Variants in CDC42BPA observed in about 807,000 individuals in gnomAD.
The protein encoded by CDC42BPA is serine/threonine-protein kinase MRCK alpha.
A neutral mutation model predicts 223.5 loss-of-function variants in CDC42BPA; 80 were observed. The ratio of observed to expected loss-of-function variants is 0.36; its 90% CI spans 0.30 to 0.43. CDC42BPA has a LOEUF of 0.43. Ranked by LOEUF, CDC42BPA falls within the 20% of genes least tolerant of loss-of-function variation. The pLI is 1.00. For synonymous variants in CDC42BPA, 694 were observed against 718.6 expected (o/e 0.97, Z 0.55); for missense variants, 1,743 against 2,099.9 (o/e 0.83, Z 3.32).
chr1:227,161,855 G>A (rs564407035), intron 5 of CDC42BPA, among the ~76,000 whole-genome samples: 1 of 152,268 alleles, frequency 6.6e-6, no homozygotes, highest in South Asian at 2.1e-4. Flanking sequence ...GATGATAGAT[G>A]GTTGCTAAAG....
Position 226,994,887 on chromosome 1 carries a change from C to T in CDC42BPA, c.5069G>A (p.Gly1690Asp). Residue 1690 changes from glycine to aspartate, a missense_variant, in exon 36 of 37, where the codon GGC becomes GAC. Gly to Asp is a moderately conservative substitution (Grantham distance 94, BLOSUM62 -1). Transcript: ENST00000366766. The surrounding 1 kb of genome is among the most constrained non-coding windows in gnomAD (Gnocchi z 4.0). ...KRQPMPSPSE[G>D]SLSSGGMDQG... ...GTCCATGCCTCCAGAGGACAAAGAGCCCTCTGACGGGGAGGGCATGGGCTG... is the reference window on the plus strand; with the variant it reads ...GTCCATGCCTCCAGAGGACAAAGAGTCCTCTGACGGGGAGGGCATGGGCTG... The T allele has an allele frequency of 6.2e-7, 1 of 1,613,840 alleles. No individual in the cohort carries two copies. The highest frequency in any genetic ancestry group is 8.5e-7 in the Non-Finnish European group (1 of 1,179,736).
At chr1:227,146,308 A>G (rs892645675) in intron 7 of CDC42BPA, among the ~76,000 whole-genome samples, 13 of 152,120 alleles carry the variant, frequency 8.5e-5, no homozygotes, top group Admixed American at 7.9e-4. Context: ...CTGAAGCTGT[A>G]ATCTGTGCTG....
At chr1:227,247,859 G>A (rs1681269893) in intron 2 of CDC42BPA, among the ~76,000 whole-genome samples, 1 of 152,110 alleles carries the variant, frequency 6.6e-6, no homozygotes, top group Non-Finnish European at 1.5e-5. Context: ...TCCAACCTGG[G>A]TGACAGAGTG....
chr1:227,152,879 A>G (rs1175985955), intron 6 of CDC42BPA, among the ~76,000 whole-genome samples: 1 of 152,122 alleles, frequency 6.6e-6, no homozygotes, highest in East Asian at 1.9e-4. Flanking sequence ...GGAAAGGGAT[A>G]TATCAGGCAT....
chr1:227,274,820 T>C (rs1686638769), intron 1 of CDC42BPA, among the ~76,000 whole-genome samples: 1 of 152,166 alleles, frequency 6.6e-6, no homozygotes, highest in South Asian at 2.1e-4. Context: ...AAAGCTTCAC[T>C]ACAGATAATG....
chr1:227,261,042 T>C (rs1465202083), intron 1 of CDC42BPA, among the ~76,000 whole-genome samples: 1 of 150,940 alleles, frequency 6.6e-6, no homozygotes, highest in African/African-American at 2.5e-5. Context: ...CACAGACACA[T>C]GAAGGTTAAA....
intron 7 of CDC42BPA, among the ~76,000 whole-genome samples, chr1:227,146,231 GAC>G (rs1490483324): frequency 2.6e-5 from 4 of 152,056 alleles, no homozygotes; most frequent in Admixed American, 6.5e-5. Flanking sequence ...AAGAAATAAA[GAC>G]ACACAGAATT....
chr1:227,013,490 T>A (rs1665614720), intron 34 of CDC42BPA, among the ~76,000 whole-genome samples: 1 of 152,026 alleles, frequency 6.6e-6, no homozygotes, highest in Non-Finnish European at 1.5e-5. Context: ...AAATCTGACA[T>A]TTTGGCATCA....
intron 17 of CDC42BPA, among the ~76,000 whole-genome samples, chr1:227,077,277 T>C (rs1679689406): frequency 6.6e-6 from 1 of 152,174 alleles, no homozygotes; most frequent in Non-Finnish European, 1.5e-5. Flanking sequence ...TAAAAATATC[T>C]ATCTCACAGG....
At chr1:227,186,509 G>A (rs1668794456) in intron 5 of CDC42BPA, among the ~76,000 whole-genome samples, 1 of 152,130 alleles carries the variant, frequency 6.6e-6, no homozygotes, top group Non-Finnish European at 1.5e-5. Context: ...AAGCAGGAAG[G>A]CAGGAAGGGA....
intron 1 of CDC42BPA, among the ~76,000 whole-genome samples, chr1:227,301,638 A>C (rs1324413178): frequency 1.3e-5 from 2 of 152,172 alleles, no homozygotes; most frequent in Admixed American, 1.3e-4. Flanking sequence ...GATTACAGGC[A>C]TGAGCCACTG....
At chr1:227,202,722 C>T (rs925728754) in intron 3 of CDC42BPA, among the ~76,000 whole-genome samples, 2 of 149,406 alleles carry the variant, frequency 1.3e-5, no homozygotes, top group African/African-American at 2.5e-5. Flanking sequence ...AAGTTTGAAA[C>T]CAGCCTGCCT....
At chr1:227,114,978 A>G (rs1013963417) in intron 12 of CDC42BPA, among the ~76,000 whole-genome samples, 6 of 152,142 alleles carry the variant, frequency 3.9e-5, no homozygotes, top group Non-Finnish European at 7.4e-5. Context: ...AGAGTAAACT[A>G]AAATGTCAAC....
intron 1 of CDC42BPA, among the ~76,000 whole-genome samples, chr1:227,300,042 G>T (rs1351127796): frequency 6.6e-6 from 1 of 152,084 alleles, no homozygotes; most frequent in African/African-American, 2.4e-5. Flanking sequence ...AAACAGACAT[G>T]TAGGGAAGAG....
At chr1:227,156,635 C>A (rs1177927227) in intron 6 of CDC42BPA, among the ~76,000 whole-genome samples, 1 of 152,038 alleles carries the variant, frequency 6.6e-6, no homozygotes, top group Non-Finnish European at 1.5e-5. Flanking sequence ...GAGGACACAC[C>A]AGACTTTCAA....
intron 1 of CDC42BPA, among the ~76,000 whole-genome samples, chr1:227,254,383 A>G (rs1239170498): frequency 6.6e-5 from 10 of 152,212 alleles, no homozygotes; most frequent in Admixed American, 6.5e-4. Context: ...TGAGAAATGT[A>G]TGTTTAAACT....
At chr1:227,197,070 A>AT in intron 4 of CDC42BPA, among the ~76,000 whole-genome samples, 1 of 152,262 alleles carries the variant, frequency 6.6e-6, no homozygotes, top group South Asian at 2.1e-4. Context: ...ATAATTGCAA[A>AT]TTTTTTCATA....
intron 5 of CDC42BPA, among the ~76,000 whole-genome samples, chr1:227,165,979 G>A (rs766552657): frequency 5.0e-4 from 76 of 152,146 alleles, no homozygotes; most frequent in Non-Finnish European, 8.8e-4. Flanking sequence ...TTTAATCAAA[G>A]AATATGAAAA....
chr1:227,080,888 C>T lies in CDC42BPA; in HGVS notation c.2480+5G>A. 1.2e-6 allele frequency: 2 copies of T among 1,613,424 alleles called. No homozygotes were observed. Among genetic ancestry groups the T allele is most frequent in the Non-Finnish European group, 1.7e-6 (2 of 1,179,812 alleles). On this transcript the variant is annotated splice_donor_5th_base_variant and intron_variant, in intron 17 of 36. Coordinates refer to ENST00000366766, the MANE Select transcript of CDC42BPA (RefSeq NM_001394014.1). Reference sequence around the variant, plus strand: ...CCACAAAAAAACGTTTAAAAGAGCACTCACCACTGAATTATTTCTGTGATT... The same window carrying T: ...CCACAAAAAAACGTTTAAAAGAGCATTCACCACTGAATTATTTCTGTGATT...
Sources: allele counts gnomAD v4.1 joint callset (sites outside exome capture counted in the v4.1 genomes callset), GRCh38; gene constraint gnomAD v4.1.1; non-coding constraint Gnocchi (gnomAD v3.1); transcripts MANE v1.5; gene names NCBI Gene and HGNC (gene_info 2026-07-23, HGNC 2026-07-21).